Variants in TTC21B observed in about 807,000 individuals in gnomAD.
The protein encoded by TTC21B is tetratricopeptide repeat protein 21B.
TTC21B carries 127 observed loss-of-function variants against 175.1 expected under a neutral mutation model. The ratio of observed to expected loss-of-function variants is 0.73; its 90% CI spans 0.63 to 0.84. TTC21B has a LOEUF of 0.84. TTC21B is among the 40% of genes least tolerant of loss of function. The probability of loss-of-function intolerance (pLI) is 0.00; values close to 1 mark genes in which losing one functional copy is unlikely to be tolerated. For missense variants in TTC21B, 1,561 were observed against 1,558.3 expected, an observed-to-expected ratio of 1.00 and a Z score of -0.03; for synonymous variants, 524 against 524.5, an observed-to-expected ratio of 1.00 and a Z score of 0.01.
chr2:165,926,401 A>G (rs1239947141), intron 11 of TTC21B, among the ~76,000 whole-genome samples: 2 of 152,166 alleles, frequency 1.3e-5, no homozygotes, highest in African/African-American at 4.8e-5. Context: ...CAAAGGAGTT[A>G]TAAGAACTGC....
intron 7 of TTC21B, among the ~76,000 whole-genome samples, chr2:165,932,478 C>T (rs1686948547): frequency 2.0e-5 from 3 of 152,106 alleles, no homozygotes; most frequent in South Asian, 4.1e-4. Context: ...TTTGGCACTC[C>T]ATGATCCAAT....
In TTC21B at chr2:165,911,398, T is replaced by C; in HGVS notation, c.2390A>G (p.Glu797Gly). 6.2e-7 allele frequency: 1 copy of C among 1,613,902 alleles called. No homozygotes were observed. The highest frequency in any genetic ancestry group is 8.5e-7 in the Non-Finnish European group (1 of 1,179,908). The change falls in exon 18 of 29, where the codon GAG (glutamate) becomes GGG (glycine). Residue 797 changes from glutamate (E) to glycine (G), a missense_variant. Physicochemically the swap from Glu to Gly is moderately conservative, Grantham distance 98. Transcript: ENST00000243344. ...ATACCATTTCAATTTTAATAAGAGC[T>C]CAGCCAGGTCATAGCAAAGATAATT... The part of the protein sequence containing the change: ...QKNYLCYDLA[E>G]LLLKLKWYDK...
intron 14 of TTC21B, among the ~76,000 whole-genome samples, chr2:165,916,463 ATAT>A (rs1216731435): frequency 6.6e-6 from 1 of 152,154 alleles, no homozygotes; most frequent in Non-Finnish European, 1.5e-5. Context: ...CTTATCGTAT[ATAT>A]TATTATTTTT....
intron 22 of TTC21B, among the ~76,000 whole-genome samples, chr2:165,891,538 C>T (rs891771106): frequency 1.6e-4 from 25 of 151,958 alleles, no homozygotes; most frequent in African/African-American, 6.0e-4. Flanking sequence ...ATATTAGTCC[C>T]CATATTTTAA....
At position 165,931,788 on chromosome 2, in the gene TTC21B, G is replaced by T. The variant is rs776784928; in HGVS notation, c.864C>A (p.Phe288Leu). ...TGCTGAAGGCGAGTGTAATGTTATA[G>T]AAAAGTTGAGCATTCTGTGGTTCCA... ...DAMEPQNAQL[F>L]YNITLAFSRT... Residue 288 changes from phenylalanine (F) to leucine (L), a missense_variant, in exon 8 of 29, where the codon TTC (phenylalanine) becomes TTA (leucine). Coordinates refer to ENST00000243344, the MANE Select transcript of TTC21B (RefSeq NM_024753.5). 6.2e-7 allele frequency: 1 copy of T among 1,613,564 alleles called. No homozygotes were observed. Among genetic ancestry groups the T allele is most frequent in the African/African-American group, 1.3e-5 (1 of 75,032 alleles).
chr2:165,923,199 T>C (rs1686482731), intron 12 of TTC21B, among the ~76,000 whole-genome samples: 1 of 151,822 alleles, frequency 6.6e-6, no homozygotes. Flanking sequence ...AATTCATCCA[T>C]GTATCCAAAA....
At position 165,944,362 on chromosome 2, in the gene TTC21B, C is replaced by T. The variant is rs141578986; in HGVS notation, c.430-1021G>A. On this transcript the variant is annotated intron_variant, in intron 4 of 28. Coordinates refer to ENST00000243344, the MANE Select transcript of TTC21B (RefSeq NM_024753.5). ...CTAACTGGTCTCTAATTTTTTTAGG[C>T]TTAAGGCCTCAAAGACATCCTAATA... 7.8e-4 allele frequency among the ~76,000 whole-genome samples: 118 copies of T among 152,230 alleles called. 2 individuals are homozygous for T. In the East Asian group the frequency reaches 0.018, roughly 23 times the overall value.
At chr2:165,910,199 C>T (rs1020116409) in intron 18 of TTC21B, among the ~76,000 whole-genome samples, 4 of 151,982 alleles carry the variant, frequency 2.6e-5, no homozygotes, top group South Asian at 2.1e-4. Context: ...GTCAGGAGAT[C>T]GAGACTGTCC....
chr2:165,942,964 A>C (rs1012034509), intron 5 of TTC21B, among the ~76,000 whole-genome samples: 22 of 152,182 alleles, frequency 1.4e-4, no homozygotes, highest in Admixed American at 4.6e-4. Context: ...ATGCTGAGGA[A>C]AGAATGTGTG....
At chr2:165,929,541 T>A in intron 10 of TTC21B, 109 bp downstream of exon 10, 1 of 900,598 alleles carries the variant, frequency 1.1e-6, no homozygotes, top group South Asian at 1.5e-5. Context: ...CATATTAAAA[T>A]TAGTGTACAC....
At chr2:165,952,660 G>A (rs1352094895) in intron 1 of TTC21B, among the ~76,000 whole-genome samples, 1 of 152,218 alleles carries the variant, frequency 6.6e-6, no homozygotes, top group Admixed American at 6.5e-5. Flanking sequence ...ATAAAAAAAT[G>A]TAAGGATATA....
chr2:165,947,801 C>T (rs1239104498), intron 3 of TTC21B: 2 of 152,206 alleles, frequency 1.3e-5, no homozygotes, highest in African/African-American at 4.8e-5. Flanking sequence ...CCTACTAGAG[C>T]TCAAGTCCAT....
At chr2:165,876,537 G>A (rs1684669102) in intron 27 of TTC21B, among the ~76,000 whole-genome samples, 1 of 152,146 alleles carries the variant, frequency 6.6e-6, no homozygotes, top group Admixed American at 6.6e-5. Flanking sequence ...TTTATTTCAG[G>A]TTATAGTAAA....
chr2:165,953,712 C>T lies in TTC21B; in HGVS notation c.-7G>A, dbSNP rs758551557. The T allele has an allele frequency of 2.0e-6, 3 of 1,536,564 alleles. No individual in the cohort carries two copies. The highest frequency in any genetic ancestry group is 2.4e-5 in the South Asian group (2 of 83,118). On this transcript the variant is annotated 5_prime_UTR_variant, in exon 1 of 29. Coordinates refer to ENST00000243344, the MANE Select transcript of TTC21B (RefSeq NM_024753.5). ...TCAATTCCTGCGAGTCCATGGCTGC[C>T]CCGAGGCCGGGCCGCGGGGCTCTGG...
rs74473855 is a variant in TTC21B at position 165,900,022 on chromosome 2, A to C, written c.2758-142T>G. 3.7e-3 allele frequency: 2,472 copies of C among 666,162 alleles called. 86 individuals are homozygous for C. The African/African-American group carries it at 0.043, about 12-fold the overall frequency. 41.3% of individuals were successfully genotyped at this position (666,162 alleles called of 1,614,324 possible). A position where few individuals can be genotyped will look rare whatever the true frequency, so the allele number is the denominator to read the frequency against. On this transcript the variant is annotated intron_variant, in intron 20 of 28. Coordinates refer to ENST00000243344, the MANE Select transcript of TTC21B (RefSeq NM_024753.5). ...AGTATAATAGACAAAAAAAAAAAAA[A>C]AACAACAGTATGTATACCCATCTCT...
intron 2 of TTC21B, 45 bp from the exon 3 acceptor site, chr2:165,949,549 G>C: frequency 6.2e-7 from 1 of 1,613,662 alleles, no homozygotes; most frequent in Non-Finnish European, 8.5e-7. Context: ...TTAGTGCAAA[G>C]CAAGAATTTA....
At chr2:165,915,478 A>C in intron 14 of TTC21B, 39 bp from the exon 15 acceptor site, 2 of 1,472,550 alleles carry the variant, frequency 1.4e-6, no homozygotes. Context: ...CTTCCAAAAT[A>C]GTGAACAAAT....
chr2:165,924,616 A>T lies in TTC21B; in HGVS notation c.1449T>A (p.Thr483=). 1 of 1,613,866 alleles carries T rather than the reference A, an allele frequency of 6.2e-7. No homozygotes were observed. Among genetic ancestry groups the T allele is most frequent in the Non-Finnish European group, 8.5e-7 (1 of 1,179,846 alleles). Residue 483 remains threonine, a synonymous_variant, in exon 12 of 29, where the codon ACT becomes ACA. Transcript: ENST00000243344. ...GAAGACCTGGAACAGTTCTTACTAC[A>T]GTCTCCAGGACTGAGATGCAACGCC... The part of the protein sequence containing the change: ...LLRRCISVLE[T]VVRTVPGLLQ...
Position 165,907,665 on chromosome 2 carries a change from C to G in TTC21B, c.2568+13G>C. Reference sequence around the variant, plus strand: ...CCTACCTCATGACCACACTCACAGACAAATGTGTTTACCTGTTGTAATGCA... The same window carrying G: ...CCTACCTCATGACCACACTCACAGAGAAATGTGTTTACCTGTTGTAATGCA... On this transcript the variant is annotated intron_variant, in intron 19 of 28. Transcript: ENST00000243344. 8 of 1,562,610 alleles carry G rather than the reference C, an allele frequency of 5.1e-6. No homozygotes were observed. The highest frequency in any genetic ancestry group is 7.0e-6 in the Non-Finnish European group (8 of 1,135,114).
Sources: allele counts gnomAD v4.1 joint callset (sites outside exome capture counted in the v4.1 genomes callset), GRCh38; gene constraint gnomAD v4.1.1; transcripts MANE v1.5; gene names NCBI Gene and HGNC (gene_info 2026-07-23, HGNC 2026-07-21).